The following SULT2B1 variants were observed in gnomAD, a reference collection of about 807,000 sequenced individuals.
SULT2B1 encodes sulfotransferase 2B1.
A neutral mutation model predicts 33.2 loss-of-function variants in SULT2B1; 16 were observed. The observed-to-expected ratio is 0.48, with a 90% CI of 0.33 to 0.73. SULT2B1 has a LOEUF of 0.73. Among genes scored for constraint, SULT2B1 ranks in the 30% least tolerant of loss-of-function variants. The probability of loss-of-function intolerance (pLI) is 0.02; values close to 1 mark genes in which losing one functional copy is unlikely to be tolerated. For missense variants in SULT2B1, 500 were observed against 506.0 expected (o/e 0.99, Z 0.11); for synonymous variants, 186 against 200.5 (o/e 0.93, Z 0.61).
At chr19:48,560,103 G>T (rs1973157242) in intron 1 of SULT2B1, among the ~76,000 whole-genome samples, 1 of 152,118 alleles carries the variant, frequency 6.6e-6, no homozygotes, top group Admixed American at 6.6e-5. Flanking sequence ...TGTGAAACGG[G>T]CAATGACCGG....
intron 2 of SULT2B1, 45 bp downstream of exon 2, chr19:48,576,128 G>T: frequency 6.7e-7 from 1 of 1,499,696 alleles, no homozygotes; most frequent in Non-Finnish European, 9.2e-7. Flanking sequence ...AGAGTGGGGA[G>T]GGGGTGCGGC....
intron 5 of SULT2B1, among the ~76,000 whole-genome samples, chr19:48,594,280 C>CA (rs1051906563): frequency 6.6e-6 from 1 of 151,988 alleles, no homozygotes; most frequent in African/African-American, 2.4e-5. Context: ...AAAACAAAAA[C>CA]AAAAAGGTAA....
At chr19:48,592,021 T>C (rs3786749) in intron 4 of SULT2B1, among the ~76,000 whole-genome samples, 139,166 of 152,122 alleles carry the variant, frequency 0.91, 64,024 homozygotes, top group Admixed American at 0.97. Context: ...GGGCCCGGCA[T>C]GGTGGCTCAT....
Position 48,560,731 on chromosome 19 carries a change from C to T in SULT2B1, c.71+8408C>T, listed in dbSNP as rs754820315. On this transcript the variant is annotated intron_variant, in intron 1 of 6. Transcript: ENST00000201586. ...ATCCCAGCACTTTGGGAAGCCGAGA[C>T]GTGTGGATCCCTTGAGGTCAGGAGT... 5.3e-5 allele frequency among the ~76,000 whole-genome samples: 8 copies of T among 151,876 alleles called. 1 individual carries two copies. The highest frequency in any genetic ancestry group is 2.0e-4 in the Admixed American group (3 of 15,214).
At chr19:48,553,375 T>C (rs1210009552) in intron 1 of SULT2B1, among the ~76,000 whole-genome samples, 1 of 152,332 alleles carries the variant, frequency 6.6e-6, no homozygotes, top group African/African-American at 2.4e-5. Flanking sequence ...TGGCACGATA[T>C]CAGCTCACTG....
intron 1 of SULT2B1, among the ~76,000 whole-genome samples, chr19:48,562,254 G>A (rs1291663532): frequency 6.6e-6 from 1 of 152,172 alleles, no homozygotes; most frequent in African/African-American, 2.4e-5. Flanking sequence ...CAGGCGTGGT[G>A]GCACATGCCT....
intron 1 of SULT2B1, among the ~76,000 whole-genome samples, chr19:48,558,679 C>CTTTT (rs869189397): frequency 0.021 from 2,242 of 106,090 alleles, 225 homozygotes; most frequent in African/African-American, 0.084. Context: ...CTTTTCTTTT[C>CTTTT]TTTTTTTTTT....
chr19:48,569,363 C>CATATATATATAT (rs1159840741), intron 1 of SULT2B1, among the ~76,000 whole-genome samples: 21 of 33,266 alleles, frequency 6.3e-4, no homozygotes, highest in South Asian at 1.3e-3. Flanking sequence ...AAAAAAAAAA[C>CATATATATATAT]ATATATATAT....
At chr19:48,566,658 A>G (rs1232924787) in intron 1 of SULT2B1, among the ~76,000 whole-genome samples, 1 of 152,064 alleles carries the variant, frequency 6.6e-6, no homozygotes, top group Non-Finnish European at 1.5e-5. Context: ...CCTGGGCAAC[A>G]TGGTAAAACC....
At chr19:48,586,735 T>G (rs999701863) in intron 2 of SULT2B1, among the ~76,000 whole-genome samples, 1 of 152,194 alleles carries the variant, frequency 6.6e-6, no homozygotes, top group African/African-American at 2.4e-5. Flanking sequence ...AGTTTCTGGC[T>G]CCGAAAATGA....
intron 1 of SULT2B1, among the ~76,000 whole-genome samples, chr19:48,567,255 G>C (rs542948044): frequency 1.3e-5 from 2 of 151,888 alleles, no homozygotes; most frequent in African/African-American, 4.8e-5. Flanking sequence ...GTTCATTCGG[G>C]GATCTGGCAA....
chr19:48,586,831 C>A (rs940744278), intron 2 of SULT2B1, among the ~76,000 whole-genome samples: 2 of 152,176 alleles, frequency 1.3e-5, no homozygotes, highest in Non-Finnish European at 2.9e-5. Context: ...TGCTGTCAGG[C>A]AGGGCGTGGT....
At chr19:48,585,820 A>G (rs555260975) in intron 2 of SULT2B1, among the ~76,000 whole-genome samples, 1 of 152,190 alleles carries the variant, frequency 6.6e-6, no homozygotes, top group Non-Finnish European at 1.5e-5. Flanking sequence ...CCTAAAACTT[A>G]AAGTATAATA....
At chr19:48,553,907 C>T (rs1251900910) in intron 1 of SULT2B1, among the ~76,000 whole-genome samples, 1 of 152,204 alleles carries the variant, frequency 6.6e-6, no homozygotes. Flanking sequence ...GATAAGCCAG[C>T]TCGCCTCCAG....
chr19:48,577,002 C>A (rs1398985103), intron 2 of SULT2B1, among the ~76,000 whole-genome samples: 5 of 149,916 alleles, frequency 3.3e-5, no homozygotes, highest in African/African-American at 1.2e-4. Flanking sequence ...TGAGACCAAC[C>A]TGGGCAAAAT....
chr19:48,562,283 G>A (rs1338543310), intron 1 of SULT2B1, among the ~76,000 whole-genome samples: 3 of 152,130 alleles, frequency 2.0e-5, no homozygotes, highest in East Asian at 3.9e-4. Context: ...AGCTACTCGG[G>A]TGGCTGAGGC....
intron 2 of SULT2B1, among the ~76,000 whole-genome samples, chr19:48,576,707 T>C (rs1361492451): frequency 1.4e-5 from 2 of 148,144 alleles, no homozygotes; most frequent in Non-Finnish European, 3.0e-5. Context: ...TGGTACAATC[T>C]CGGCTCATTT....
rs563821292 is a variant in SULT2B1 at position 48,589,539 on chromosome 19, G to C, written c.424-2070G>C. On this transcript the variant is annotated intron_variant, in intron 3 of 6. Coordinates refer to ENST00000201586, the MANE Select transcript of SULT2B1 (RefSeq NM_177973.2). ...AGGAATTGAGCGTGGACAGAGCAGA[G>C]AGGGGGGGCTGCAATCAGGAAGTCC... is the stretch of plus-strand genomic sequence containing the variant. Among the ~76,000 whole-genome samples the C allele has an allele frequency of 2.6e-5, 4 of 152,302 alleles. No individual in the cohort carries two copies. The East Asian group carries it at 5.8e-4, about 22-fold the overall frequency.
At chr19:48,587,561 C>G (rs1393889002) in intron 3 of SULT2B1, 124 bp downstream of exon 3, 8 of 1,081,386 alleles carry the variant, frequency 7.4e-6, no homozygotes, top group Non-Finnish European at 9.5e-6. Context: ...ATGTGCCTGA[C>G]TCTGATCTAG....
Sources: allele counts gnomAD v4.1 joint callset (sites outside exome capture counted in the v4.1 genomes callset), GRCh38; gene constraint gnomAD v4.1.1; transcripts MANE v1.5; gene names NCBI Gene and HGNC (gene_info 2026-07-23, HGNC 2026-07-21).